INPP4B: variants seen among roughly 807,000 people sequenced by gnomAD.
The protein encoded by INPP4B is inositol polyphosphate 4-phosphatase type II.
Under a neutral mutation model 122.5 loss-of-function variants are expected in INPP4B, and 55 were observed. The observed-to-expected ratio is 0.45, with a 90% CI of 0.36 to 0.56. The LOEUF is 0.56. INPP4B is among the 20% of genes least tolerant of loss of function. The probability of loss-of-function intolerance (pLI) is 0.00; values close to 1 mark genes in which losing one functional copy is unlikely to be tolerated. For synonymous variants in INPP4B, 403 were observed against 388.7 expected, an observed-to-expected ratio of 1.04 and a Z score of -0.43; for missense variants, 1,000 against 1,097.7, an observed-to-expected ratio of 0.91 and a Z score of 1.26.
chr4:142,655,578 T>C (rs1241017942), intron 2 of INPP4B, among the ~76,000 whole-genome samples: 3 of 152,238 alleles, frequency 2.0e-5, no homozygotes, highest in African/African-American at 2.4e-5. Flanking sequence ...TTACATTTTC[T>C]ATAATTAACG....
chr4:142,257,927 A>G (rs1047912813), intron 11 of INPP4B, among the ~76,000 whole-genome samples: 7 of 152,178 alleles, frequency 4.6e-5, no homozygotes, highest in African/African-American at 1.4e-4. Context: ...AAAGCTGGAG[A>G]CATCGCACTA....
At chr4:142,394,990 A>G (rs935904198) in intron 7 of INPP4B, among the ~76,000 whole-genome samples, 3 of 152,204 alleles carry the variant, frequency 2.0e-5, no homozygotes, top group Admixed American at 2.0e-4. Flanking sequence ...TTCCGTTTCT[A>G]CCATCAAAAA....
chr4:142,592,653 A>G (rs916565888), intron 2 of INPP4B, among the ~76,000 whole-genome samples: 2 of 152,212 alleles, frequency 1.3e-5, no homozygotes, highest in African/African-American at 4.8e-5. Context: ...ATATTGTATG[A>G]GAGATTTGAA....
At chr4:142,436,660 C>T (rs1810589501) in intron 3 of INPP4B, among the ~76,000 whole-genome samples, 1 of 152,064 alleles carries the variant, frequency 6.6e-6, no homozygotes, top group African/African-American at 2.4e-5. Context: ...CACAGCAGCC[C>T]TACAGAAGAG....
At chr4:142,060,344 G>A (rs994663646) in intron 25 of INPP4B, among the ~76,000 whole-genome samples, 7 of 152,030 alleles carry the variant, frequency 4.6e-5, no homozygotes, top group Non-Finnish European at 8.8e-5. Flanking sequence ...GAATAAAAAT[G>A]TATTCATTTA....
At chr4:142,740,546 C>T (rs1427096757) in intron 1 of INPP4B, among the ~76,000 whole-genome samples, 3 of 151,884 alleles carry the variant, frequency 2.0e-5, no homozygotes, top group Non-Finnish European at 2.9e-5. Context: ...ATTATGGGTA[C>T]ATTGGTGGTG....
intron 3 of INPP4B, among the ~76,000 whole-genome samples, chr4:142,449,388 A>C (rs1232554935): frequency 6.6e-6 from 1 of 151,998 alleles, no homozygotes; most frequent in Non-Finnish European, 1.5e-5. Flanking sequence ...CTTGAGCCAC[A>C]CTCTAGACTT....
At chr4:142,576,537 A>G (rs953590980) in intron 2 of INPP4B, among the ~76,000 whole-genome samples, 1 of 151,978 alleles carries the variant, frequency 6.6e-6, no homozygotes, top group Admixed American at 6.6e-5. Flanking sequence ...TGACAATTGG[A>G]GATAATAATT....
At chr4:142,341,332 A>T (rs1370482854) in intron 7 of INPP4B, among the ~76,000 whole-genome samples, 1 of 152,224 alleles carries the variant, frequency 6.6e-6, no homozygotes, top group Admixed American at 6.5e-5. Flanking sequence ...CACTTAAGTT[A>T]TACTTAAAAA....
chr4:142,561,005 A>T (rs1024928968), intron 2 of INPP4B, among the ~76,000 whole-genome samples: 2 of 152,192 alleles, frequency 1.3e-5, no homozygotes, highest in African/African-American at 4.8e-5. Context: ...TTTTATTATC[A>T]TTTGTTTTTT....
intron 21 of INPP4B, among the ~76,000 whole-genome samples, chr4:142,120,862 G>T (rs1253309890): frequency 6.6e-6 from 1 of 152,064 alleles, no homozygotes. Flanking sequence ...ATCCTAAAAT[G>T]GTTGTTTTGG....
chr4:142,639,400 G>A (rs778492387), intron 2 of INPP4B, among the ~76,000 whole-genome samples: 3 of 152,068 alleles, frequency 2.0e-5, no homozygotes, highest in African/African-American at 4.8e-5. Flanking sequence ...TTAATGGGTT[G>A]TTAATTATTG....
At chr4:142,386,301 A>G (rs1041755694) in intron 7 of INPP4B, among the ~76,000 whole-genome samples, 2 of 152,156 alleles carry the variant, frequency 1.3e-5, no homozygotes, top group Non-Finnish European at 2.9e-5. Context: ...TTGCTACCAT[A>G]TCTTAGCTAT....
At chr4:142,247,373 A>G (rs985871630) in intron 11 of INPP4B, among the ~76,000 whole-genome samples, 3 of 152,162 alleles carry the variant, frequency 2.0e-5, no homozygotes, top group African/African-American at 7.2e-5. Flanking sequence ...GAATGGTATC[A>G]GTTCCTCCTT....
chr4:142,396,907 A>C (rs1227489103), intron 7 of INPP4B, among the ~76,000 whole-genome samples: 2 of 152,112 alleles, frequency 1.3e-5, no homozygotes, highest in East Asian at 3.8e-4. Flanking sequence ...GATCTGTAGG[A>C]AAGTGTTTGC....
chr4:142,830,816 T>C (rs1386152064), intron 1 of INPP4B, among the ~76,000 whole-genome samples: 1 of 142,026 alleles, frequency 7.0e-6, no homozygotes, highest in East Asian at 2.0e-4. Flanking sequence ...GAGTTAGAGA[T>C]TAGCCTACAC....
At chr4:142,645,042 A>G (rs1452515616) in intron 2 of INPP4B, among the ~76,000 whole-genome samples, 1 of 152,174 alleles carries the variant, frequency 6.6e-6, no homozygotes, top group Non-Finnish European at 1.5e-5. Flanking sequence ...ATGTATCTAA[A>G]GCTTTGTTGA....
intron 2 of INPP4B, among the ~76,000 whole-genome samples, chr4:142,482,716 T>C (rs1560708663): frequency 1.3e-5 from 2 of 152,148 alleles, no homozygotes; most frequent in Non-Finnish European, 2.9e-5. Flanking sequence ...GCCAATGCTT[T>C]GTACTGAGAT....
At chr4:142,722,527 C>T (rs1024254689) in intron 2 of INPP4B, among the ~76,000 whole-genome samples, 2 of 151,924 alleles carry the variant, frequency 1.3e-5, no homozygotes, top group Non-Finnish European at 2.9e-5. Flanking sequence ...GAAACTAATA[C>T]CCAGAAGAGT....
Sources: gnomAD v4.1 joint callset for allele counts (sites outside exome capture counted in the v4.1 genomes callset) on GRCh38, gnomAD v4.1.1 for gene constraint, MANE v1.5 for transcripts, NCBI Gene and HGNC (gene_info 2026-07-23, HGNC 2026-07-21) for gene names.